CFAP92: variants seen among roughly 807,000 people sequenced by gnomAD.
The protein encoded by CFAP92 is uncharacterized protein CFAP92.
CFAP92 carries 86 observed loss-of-function variants against 106.3 expected under a neutral mutation model. The observed-to-expected ratio is 0.81, with a 90% CI of 0.68 to 0.97. The LOEUF is 0.97. Among genes scored for constraint, CFAP92 ranks in the 50% least tolerant of loss-of-function variants. The pLI is 0.00. For missense variants in CFAP92, 1,204 were observed against 1,283.8 expected, an observed-to-expected ratio of 0.94 and a Z score of 0.95; for synonymous variants, 477 against 506.4, an observed-to-expected ratio of 0.94 and a Z score of 0.78.
intron 15 of CFAP92, chr3:128,912,746 G>A (rs777042081): frequency 1.8e-5 from 15 of 846,250 alleles, no homozygotes; most frequent in Middle Eastern, 2.2e-4. Flanking sequence ...AAGGGTTGTC[G>A]CCTGGCCTGG....
chr3:128,951,189 C>T (rs1213009667), intron 9 of CFAP92, among the ~76,000 whole-genome samples: 10 of 150,968 alleles, frequency 6.6e-5, no homozygotes, highest in Admixed American at 6.6e-5. Flanking sequence ...GAGCTGAGAT[C>T]GTGCCACTGC....
chr3:128,974,859 C>T (rs568031844), intron 7 of CFAP92, among the ~76,000 whole-genome samples: 3 of 151,176 alleles, frequency 2.0e-5, no homozygotes, highest in African/African-American at 4.9e-5. Flanking sequence ...TGGTGGCTCA[C>T]GCCTGTAATC....
intron 12 of CFAP92, among the ~76,000 whole-genome samples, chr3:128,920,856 C>T (rs1005898048): frequency 1.3e-5 from 2 of 152,238 alleles, no homozygotes; most frequent in Non-Finnish European, 2.9e-5. Flanking sequence ...TTGCTTCTAG[C>T]ACTCCAAGGC....
At chr3:128,940,757 T>A (rs570479265) in intron 10 of CFAP92, among the ~76,000 whole-genome samples, 1 of 152,294 alleles carries the variant, frequency 6.6e-6, no homozygotes, top group African/African-American at 2.4e-5. Flanking sequence ...TGAGTCTTGA[T>A]ATCTAGTACA....
At chr3:128,910,691 G>T (rs1182633248) in intron 15 of CFAP92, 1 of 1,605,284 alleles carries the variant, frequency 6.2e-7, no homozygotes, top group Non-Finnish European at 8.5e-7. Context: ...AAGCTCAGAG[G>T]TCTGATTCCA....
intron 12 of CFAP92, among the ~76,000 whole-genome samples, chr3:128,926,711 C>G (rs1432623511): frequency 6.6e-6 from 1 of 152,184 alleles, no homozygotes; most frequent in Non-Finnish European, 1.5e-5. Context: ...TAAACCCCAG[C>G]CTGGCTCTAT....
intron 15 of CFAP92, chr3:128,912,675 CTT>C (rs112783991): frequency 5.9e-6 from 8 of 1,345,624 alleles, no homozygotes; most frequent in Non-Finnish European, 8.5e-6. Flanking sequence ...GACTGTTACT[CTT>C]TTTTCAGAAG....
intron 9 of CFAP92, among the ~76,000 whole-genome samples, chr3:128,946,677 G>C (rs904977602): frequency 6.6e-6 from 1 of 152,172 alleles, no homozygotes; most frequent in Non-Finnish European, 1.5e-5. Context: ...GATTGGCGGT[G>C]CTCCCAGAGC....
chr3:128,974,192 T>C (rs1189985447), intron 7 of CFAP92, among the ~76,000 whole-genome samples: 2 of 152,178 alleles, frequency 1.3e-5, no homozygotes, highest in Non-Finnish European at 2.9e-5. Flanking sequence ...TCTGCAGCCA[T>C]AGACTGTTGC....
chr3:128,993,735 A>G (rs1463980555), intron 1 of CFAP92: 1 of 294,160 alleles, frequency 3.4e-6, no homozygotes, highest in Admixed American at 4.7e-5. Flanking sequence ...GGGAGAGGCA[A>G]ACCAGGCCGG....
chr3:128,917,455 G>A (rs1022216520), intron 12 of CFAP92, among the ~76,000 whole-genome samples: 7 of 152,132 alleles, frequency 4.6e-5, no homozygotes, highest in African/African-American at 1.7e-4. Context: ...TAGTTCTTCT[G>A]GGTGCCTGAG....
At chr3:128,975,093 C>A (rs1281787481) in intron 7 of CFAP92, among the ~76,000 whole-genome samples, 1 of 151,978 alleles carries the variant, frequency 6.6e-6, no homozygotes, top group Non-Finnish European at 1.5e-5. Flanking sequence ...GCACTCCAGC[C>A]TGGGTGACAG....
chr3:129,024,633 G>C, the CFAP92 span, among the ~76,000 whole-genome samples: 1 of 152,146 alleles, frequency 6.6e-6, no homozygotes, highest in Non-Finnish European at 1.5e-5. Context: ...TAGGCTTCTT[G>C]GTGCACCGTT....
At chr3:129,002,333 C>T (rs1240021987) in intron 1 of CFAP92, 4 of 1,511,284 alleles carry the variant, frequency 2.6e-6, no homozygotes, top group Admixed American at 2.1e-5. Context: ...AGGTGCGCGC[C>T]GGCCACGAAG....
the CFAP92 span, among the ~76,000 whole-genome samples, chr3:129,016,539 C>T: frequency 4.7e-5 from 7 of 149,286 alleles, no homozygotes; most frequent in East Asian, 2.2e-4. Context: ...AAGCCGTGCC[C>T]GTGAGCTCCA....
upstream of CFAP92, among the ~76,000 whole-genome samples, chr3:129,004,787 ATGAGGAAACAGG>A (rs1944995828): frequency 6.6e-6 from 1 of 152,036 alleles, no homozygotes. Context: ...CACTCTGTAG[ATGAGGAAACAGG>A]TGTGTAATGA....
Position 128,987,627 on chromosome 3 carries a change from A to G in CFAP92, c.656T>C (p.Phe219Ser). 6.2e-7 allele frequency: 1 copy of G among 1,613,862 alleles called. No individual in the cohort carries two copies. The highest frequency in any genetic ancestry group is 1.1e-5 in the South Asian group (1 of 91,066). The change falls in exon 4 of 16, where the codon TTT becomes TCT. Residue 219 changes from phenylalanine to serine, a missense_variant. Phe to Ser is a radical substitution (Grantham distance 155). Coordinates refer to ENST00000645291, the MANE Select transcript of CFAP92 (RefSeq NM_001394090.1). ...TAAAACCAGAGCACCTGACTTATGA[A>G]AAGCTCCCACGTCGTCTGTGAAGCC... ...TAGFTDDVGA[F>S]HKSEVRHLVL...
chr3:128,937,339 G>A lies in CFAP92; in HGVS notation c.2259-2020C>T, dbSNP rs560404552. 4.7e-5 allele frequency among the ~76,000 whole-genome samples: 7 copies of A among 149,266 alleles called. No individual in the cohort carries two copies. The South Asian group carries it at 8.6e-4, about 18-fold the overall frequency. ...AAAAAAAAAAAAAAAAAAACCACGC[G>A]TAGTGGTTTACGCCTGTAATCCCAG... is the stretch of plus-strand genomic sequence containing the variant. On this transcript the variant is annotated intron_variant, in intron 10 of 15. Coordinates refer to ENST00000645291, the MANE Select transcript of CFAP92 (RefSeq NM_001394090.1).
chr3:128,968,252 T>C (rs1187387965), intron 8 of CFAP92: 2 of 152,204 alleles, frequency 1.3e-5, no homozygotes, highest in Admixed American at 6.5e-5. Flanking sequence ...CCCTCCGCTA[T>C]GCAATACTAT....
Sources: gnomAD v4.1 joint callset for allele counts (sites outside exome capture counted in the v4.1 genomes callset) on GRCh38, gnomAD v4.1.1 for gene constraint, MANE v1.5 for transcripts, NCBI Gene and HGNC (gene_info 2026-07-23, HGNC 2026-07-21) for gene names.